The following KLK7 variants were observed in gnomAD, a reference collection of about 807,000 sequenced individuals.
The protein encoded by KLK7 is kallikrein-7.
In KLK7, 17 loss-of-function variants were observed where a neutral mutation model predicts 21.0. That is an observed-to-expected ratio of 0.81 (90% confidence interval 0.55 to 1.21). The LOEUF (loss-of-function observed/expected upper bound fraction) is 1.21. Among genes scored for constraint, KLK7 ranks in the 50% most tolerant of loss-of-function variants. KLK7 has a pLI of 0.00. For synonymous variants in KLK7, 151 were observed against 134.6 expected (o/e 1.12, Z -0.85); for missense variants, 330 against 322.8 (o/e 1.02, Z -0.17).
Position 50,977,278 on chromosome 19 carries a change from G to C in KLK7, c.*258C>G. On this transcript the variant is annotated 3_prime_UTR_variant, in exon 6 of 6. Transcript: ENST00000595820. Reference sequence around the variant, plus strand: ...ACGTTGACCAAGTGTCTTCCGTAAAGACTGTACGAACGTCCAGTTCCAGTG... The same window carrying C: ...ACGTTGACCAAGTGTCTTCCGTAAACACTGTACGAACGTCCAGTTCCAGTG... 1 of 450,472 alleles carries C rather than the reference G, an allele frequency of 2.2e-6. No homozygotes were observed. Among genetic ancestry groups the C allele is most frequent in the Non-Finnish European group, 4.0e-6 (1 of 252,214 alleles). 27.9% of individuals were successfully genotyped at this position (450,472 alleles called of 1,614,324 possible). A position where few individuals can be genotyped will look rare whatever the true frequency, so the allele number is the denominator to read the frequency against.
At position 50,980,429 on chromosome 19, in the gene KLK7, T is replaced by G. The variant is rs763159168; in HGVS notation, c.280A>C (p.Lys94Gln). The change falls in exon 4 of 6, where the codon AAG (lysine) becomes CAG (glutamine). Residue 94 changes from lysine to glutamine, a missense_variant. Transcript: ENST00000595820. Reference protein sequence around the residue: ...TLGDRRAQRIKASKSFRHPGY... With the variant: ...TLGDRRAQRIQASKSFRHPGY... ...GGGTGGCGGAATGACTTCGAGGCCT[T>G]GATCCTCTGAGCTCTCCTGTCGCCC... 2.5e-6 allele frequency: 4 copies of G among 1,613,824 alleles called. No homozygotes were observed. Among genetic ancestry groups the G allele is most frequent in the Non-Finnish European group, 3.4e-6 (4 of 1,179,962 alleles).
At chr19:50,981,265 ACCC>A (rs2091082786) in intron 3 of KLK7, among the ~76,000 whole-genome samples, 1 of 137,898 alleles carries the variant, frequency 7.3e-6, no homozygotes, top group African/African-American at 2.9e-5. Flanking sequence ...AGGGACAGAG[ACCC>A]AGAAAGAGAG....
In KLK7 at chr19:50,977,540, C is replaced by T. The variant is rs139349638; in HGVS notation, c.758G>A (p.Arg253His). 4.2e-5 allele frequency: 67 copies of T among 1,613,550 alleles called. No homozygotes were observed. The highest frequency in any genetic ancestry group is 1.7e-4 in the Middle Eastern group (1 of 6,060). Residue 253 changes from arginine to histidine, a missense_variant, in exon 6 of 6, where the codon CGC becomes CAC. Coordinates refer to ENST00000595820, the MANE Select transcript of KLK7 (RefSeq NM_005046.4). ...KWINDTMKKH[R>H] Reference sequence around the variant, plus strand: ...GTTAATTAACTCAGTGTGGCGTTAGCGATGCTTTTTCATGGTGTCATTTAT... The same window carrying T: ...GTTAATTAACTCAGTGTGGCGTTAGTGATGCTTTTTCATGGTGTCATTTAT...
chr19:50,979,434 G>C (rs1273612927), intron 5 of KLK7, among the ~76,000 whole-genome samples: 1 of 152,198 alleles, frequency 6.6e-6, no homozygotes, highest in African/African-American at 2.4e-5. Context: ...ACTTCTGCAT[G>C]AGTTTTTATT....
intron 2 of KLK7, 179 bp from the exon 3 acceptor site, chr19:50,982,093 A>G: frequency 1.2e-6 from 1 of 830,184 alleles, no homozygotes; most frequent in South Asian, 1.8e-5. Flanking sequence ...GAAACCCAGG[A>G]GGCGCATCTC....
rs2091068793 is a variant in KLK7 at position 50,980,352 on chromosome 19, A to C, written c.357T>G (p.Asn119Lys). The C allele has an allele frequency of 3.7e-6, 6 of 1,613,862 alleles. No homozygotes were observed. The highest frequency in any genetic ancestry group is 4.2e-6 in the Non-Finnish European group (5 of 1,179,954). ...CCATGGATGACAGCCTGGCCTGGCT[A>C]TTGAGCTTCACGAGCATGAGGTCAT... ...HVNDLMLVKL[N>K]SQARLSSMVK... is the part of the protein sequence containing the mutation. Residue 119 changes from asparagine (N) to lysine (K), a missense_variant, in exon 4 of 6, where the codon AAT becomes AAG. By Grantham distance (94) the Asn-to-Lys change is moderately conservative. Coordinates refer to ENST00000595820, the MANE Select transcript of KLK7 (RefSeq NM_005046.4).
chr19:50,982,368 A>T lies in KLK7; in HGVS notation c.32T>A (p.Ile11Asn). The T allele has an allele frequency of 6.2e-7, 1 of 1,610,096 alleles. No individual in the cohort carries two copies. Among genetic ancestry groups the T allele is most frequent in the Non-Finnish European group, 8.5e-7 (1 of 1,178,328 alleles). Residue 11 changes from isoleucine (I) to asparagine (N), a missense_variant, in exon 2 of 6, where the codon ATC (isoleucine) becomes AAC (asparagine). By Grantham distance (149) the Ile-to-Asn change is moderately radical. Transcript: ENST00000595820. MARSLLLPLQILLLSLALETA... is the reference protein window; with the variant it reads MARSLLLPLQNLLLSLALETA... ...TTCCAAGGCTAAGGATAGCAGTAAG[A>T]TCTGCAGGGGCAGGAGAAGGGATCT...
In KLK7 at chr19:50,980,737, GAGAGACACAGAGATAGGAGGGGGGAC is replaced by G. The variant is rs2091073840; in HGVS notation, c.222-276_222-251del. ...AGAGACCCAGAGAGAGGAGGGGGGAGAGAGACACAGAGATAGGAGGGGGGACAGAGACACAGAGAGAGGAGGGGGGA... is the reference window on the plus strand; with the variant it reads ...AGAGACCCAGAGAGAGGAGGGGGGAGAGAGACACAGAGAGAGGAGGGGGGA... On this transcript the variant is annotated intron_variant, in intron 3 of 5. Transcript: ENST00000595820. Among the ~76,000 whole-genome samples, 14 of 75,448 alleles carry G rather than the reference GAGAGACACAGAGATAGGAGGGGGGAC, an allele frequency of 1.9e-4. No individual in the cohort carries two copies. The South Asian group carries it at 2.2e-3, about 12-fold the overall frequency. The allele number at this position is 75,448 out of a possible 152,430, so 49.5% of individuals were successfully genotyped here.
At chr19:50,982,209 G>T in intron 2 of KLK7, 118 bp downstream of exon 2, 2 of 1,359,882 alleles carry the variant, frequency 1.5e-6, no homozygotes, top group Non-Finnish European at 2.0e-6. Flanking sequence ...TCAGCCGACA[G>T]TCTGGTCCTC....
At position 50,977,620 on chromosome 19, in the gene KLK7, G is replaced by A. The variant is rs17855561; in HGVS notation, c.678C>T (p.Cys226=). Residue 226 remains cysteine (C), a synonymous_variant, in exon 6 of 6, where the codon TGC becomes TGT. Transcript: ENST00000595820. ...AGACTCCTGGGTCATTGGGTTGGCC[G>A]CAAGGGAAAGTTCCCCAGGACACCA... The part of the protein sequence containing the change: ...QGLVSWGTFP[C]GQPNDPGVYT... 401 of 1,613,418 alleles carry A rather than the reference G, an allele frequency of 2.5e-4. 5 individuals carry two copies. In the Admixed American group the frequency reaches 6.2e-3, roughly 25 times the overall value.
At position 50,980,490 on chromosome 19, in the gene KLK7, G is replaced by A. The variant is rs1359462533; in HGVS notation, c.222-3C>T. ...TGCCCAGGTGCACGGTGTACTCACT[G>A]CGAGGAGTGACATTCACAGATTCAG... On this transcript the variant is annotated splice_region_variant and splice_polypyrimidine_tract_variant and intron_variant, in intron 3 of 5. Transcript: ENST00000595820. 6 of 1,613,724 alleles carry A rather than the reference G, an allele frequency of 3.7e-6. No individual in the cohort carries two copies. Among genetic ancestry groups the A allele is most frequent in the Non-Finnish European group, 5.1e-6 (6 of 1,179,806 alleles).
Position 50,977,549 on chromosome 19 carries a change from T to C in KLK7, c.749A>G (p.Lys250Arg). The C allele has an allele frequency of 1.2e-6, 2 of 1,613,948 alleles. No individual in the cohort carries two copies. Among genetic ancestry groups the C allele is most frequent in the Non-Finnish European group, 1.7e-6 (2 of 1,179,936 alleles). ...KFTKWINDTM[K>R]KHR ...CTCAGTGTGGCGTTAGCGATGCTTT[T>C]TCATGGTGTCATTTATCCACTTGGT... Residue 250 changes from lysine to arginine, a missense_variant, in exon 6 of 6, where the codon AAA (lysine) becomes AGA (arginine). Physicochemically the swap from Lys to Arg is conservative, Grantham distance 26. Coordinates refer to ENST00000595820, the MANE Select transcript of KLK7 (RefSeq NM_005046.4).
chr19:50,977,344 G>C lies in KLK7; in HGVS notation c.*192C>G. 3.4e-6 allele frequency: 2 copies of C among 595,760 alleles called. No homozygotes were observed. The highest frequency in any genetic ancestry group is 5.9e-6 in the Non-Finnish European group (2 of 337,354). 36.9% of individuals were successfully genotyped at this position (595,760 alleles called of 1,614,324 possible). On this transcript the variant is annotated 3_prime_UTR_variant, in exon 6 of 6. Transcript: ENST00000595820. Reference sequence around the variant, plus strand: ...CTCACTGACTCTTCTCCAGCACTGAGGGTTTTGTGTTTCTTTATTTGTTTT... The same window carrying C: ...CTCACTGACTCTTCTCCAGCACTGACGGTTTTGTGTTTCTTTATTTGTTTT...
At chr19:50,981,571 A>G (rs1240172442) in intron 3 of KLK7, among the ~76,000 whole-genome samples, 196 bp downstream of exon 3, 2 of 146,534 alleles carry the variant, frequency 1.4e-5, no homozygotes, top group Non-Finnish European at 3.0e-5. Flanking sequence ...ACAGAGACCC[A>G]GAGAGAGGGA....
chr19:50,982,846 G>GC (rs2091101112), intron 1 of KLK7, among the ~76,000 whole-genome samples: 11 of 92,652 alleles, frequency 1.2e-4, no homozygotes, highest in African/African-American at 4.6e-4. Context: ...AGGAGTCCAG[G>GC]TCCAAGTCCC....
Position 50,980,457 on chromosome 19 carries a change from C to T in KLK7, c.252G>A (p.Thr84=), listed in dbSNP as rs375330925. The change falls in exon 4 of 6, where the codon ACG becomes ACA. Residue 84 remains threonine (T), a synonymous_variant. Transcript: ENST00000595820. Reference sequence around the variant, plus strand: ...TCCTCTGAGCTCTCCTGTCGCCCAGCGTATCACTGCCCAGGTGCACGGTGT... The same window carrying T: ...TCCTCTGAGCTCTCCTGTCGCCCAGTGTATCACTGCCCAGGTGCACGGTGT... ...NEYTVHLGSD[T]LGDRRAQRIK... is the part of the protein sequence containing the mutation. 1.3e-5 allele frequency: 21 copies of T among 1,613,776 alleles called. No homozygotes were observed. Among genetic ancestry groups the T allele is most frequent in the Admixed American group, 1.0e-4 (6 of 59,978 alleles).
chr19:50,978,023 G>A (rs1041327145), intron 5 of KLK7, among the ~76,000 whole-genome samples: 4 of 152,192 alleles, frequency 2.6e-5, no homozygotes, highest in African/African-American at 4.8e-5. Flanking sequence ...GGGTGGATGC[G>A]TGCCCTGTGG....
At position 50,977,580 on chromosome 19, in the gene KLK7, T is replaced by TGAGTGTAGACTC; in HGVS notation, c.717_718insGAGTCTACACTC (p.Cys239_Lys240insGluSerThrLeu). 1 of 1,614,044 alleles carries TGAGTGTAGACTC rather than the reference T, an allele frequency of 6.2e-7. No homozygotes were observed. Among genetic ancestry groups the TGAGTGTAGACTC allele is most frequent in the Admixed American group, 1.7e-5 (1 of 60,026 alleles). On this transcript the variant is annotated inframe_insertion, in exon 6 of 6. Transcript: ENST00000595820. ...GTGTCATTTATCCACTTGGTGAACTTGCACACTTGAGTGTAGACTCCTGGG... is the reference window on the plus strand; with the variant it reads ...GTGTCATTTATCCACTTGGTGAACTTGAGTGTAGACTCGCACACTTGAGTGTAGACTCCTGGG...
At chr19:50,978,871 G>C (rs2091055797) in intron 5 of KLK7, among the ~76,000 whole-genome samples, 1 of 132,144 alleles carries the variant, frequency 7.6e-6, no homozygotes, top group African/African-American at 2.9e-5. Flanking sequence ...AGGAGACAGA[G>C]AGAGAGGAAA....
Sources: allele counts gnomAD v4.1 joint callset (sites outside exome capture counted in the v4.1 genomes callset), GRCh38; gene constraint gnomAD v4.1.1; transcripts MANE v1.5; gene names NCBI Gene and HGNC (gene_info 2026-07-23, HGNC 2026-07-21).